The following EXT1 variants were observed in gnomAD, a reference collection of about 807,000 sequenced individuals.
The protein encoded by EXT1 is exostosin-1.
EXT1 carries 20 observed loss-of-function variants against 82.5 expected under a neutral mutation model. The ratio of observed to expected loss-of-function variants is 0.24; its 90% CI spans 0.17 to 0.35. The LOEUF (loss-of-function observed/expected upper bound fraction) is 0.35. EXT1 is among the 10% of genes least tolerant of loss of function. EXT1 has a pLI of 1.00. For missense variants in EXT1, 757 were observed against 936.5 expected, an observed-to-expected ratio of 0.81 and a Z score of 2.50; for synonymous variants, 348 against 350.8, an observed-to-expected ratio of 0.99 and a Z score of 0.09.
chr8:117,976,274 G>A (rs1345683782), intron 1 of EXT1, among the ~76,000 whole-genome samples: 1 of 152,164 alleles, frequency 6.6e-6, no homozygotes, highest in Non-Finnish European at 1.5e-5. Context: ...AGGCTATATA[G>A]CCAACAGAAA....
At chr8:118,070,225 TC>T (rs1420494998) in intron 1 of EXT1, among the ~76,000 whole-genome samples, 2 of 128,148 alleles carry the variant, frequency 1.6e-5, no homozygotes, top group Non-Finnish European at 3.2e-5. Context: ...ATCATAAATT[TC>T]TGTGTGTGTG....
intron 1 of EXT1, among the ~76,000 whole-genome samples, chr8:117,851,378 CAA>C (rs138600020): frequency 2.8e-4 from 40 of 141,062 alleles, no homozygotes; most frequent in South Asian, 2.3e-3. Context: ...TTTAAAAAGA[CAA>C]AAAAAAAAAA....
chr8:118,049,563 C>T (rs539161651), intron 1 of EXT1, among the ~76,000 whole-genome samples: 2 of 152,044 alleles, frequency 1.3e-5, no homozygotes, highest in African/African-American at 4.8e-5. Context: ...ATCCCTGGCA[C>T]GGTCTATTTG....
At position 118,111,086 on chromosome 8, in the gene EXT1, G is replaced by C. The variant is rs751658040; in HGVS notation, c.-40C>G. ...TCAAGAGGATTGTAAATAAACACAA[G>C]AATCACCCAAGTTTCCCAATCAACA... is the stretch of plus-strand genomic sequence containing the variant. On this transcript the variant is annotated 5_prime_UTR_variant, in exon 1 of 11. Coordinates refer to ENST00000378204, the MANE Select transcript of EXT1 (RefSeq NM_000127.3). The C allele has an allele frequency of 1.5e-5, 24 of 1,551,058 alleles. No homozygotes were observed. The highest frequency in any genetic ancestry group is 3.8e-5 in the Admixed American group (2 of 52,572).
At chr8:117,893,365 T>G (rs1813281351) in intron 1 of EXT1, among the ~76,000 whole-genome samples, 1 of 152,164 alleles carries the variant, frequency 6.6e-6, no homozygotes, top group Admixed American at 6.5e-5. Flanking sequence ...AGCAAAGGTC[T>G]CCAAGAACAA....
chr8:117,841,207 C>T (rs1293448558), intron 1 of EXT1, among the ~76,000 whole-genome samples: 1 of 152,182 alleles, frequency 6.6e-6, no homozygotes, highest in Non-Finnish European at 1.5e-5. Flanking sequence ...AATTGTGGTA[C>T]ATCCATAGCC....
rs138798280 is a variant in EXT1, at chr8:117,865,237, G to C, written c.963-28036C>G. On this transcript the variant is annotated intron_variant, in intron 1 of 10. Coordinates refer to ENST00000378204, the MANE Select transcript of EXT1 (RefSeq NM_000127.3). ...GGCTGGTGTACAGTGGTGCAATTAT[G>C]GCTCACTGCAGCCTTGACCTCCCGG... 5.4e-4 allele frequency among the ~76,000 whole-genome samples: 82 copies of C among 152,248 alleles called. 1 individual carries two copies. In the South Asian group the frequency reaches 8.1e-3, roughly 15 times the overall value.
chr8:117,921,537 C>T (rs879438870), intron 1 of EXT1, among the ~76,000 whole-genome samples: 26 of 152,172 alleles, frequency 1.7e-4, no homozygotes, highest in Admixed American at 4.6e-4. Flanking sequence ...GTTCAGACAA[C>T]TTCATGAGGT....
At chr8:117,961,398 T>TA (rs1459514541) in intron 1 of EXT1, among the ~76,000 whole-genome samples, 2 of 151,936 alleles carry the variant, frequency 1.3e-5, no homozygotes, top group South Asian at 2.1e-4. Context: ...GGCCTTAGGA[T>TA]AAAAAAAATA....
intron 1 of EXT1, among the ~76,000 whole-genome samples, chr8:117,848,287 G>A (rs1158618322): frequency 6.6e-6 from 1 of 152,160 alleles, no homozygotes; most frequent in Non-Finnish European, 1.5e-5. Context: ...TTGCATGAAG[G>A]TTGAGTCCTT....
At chr8:118,060,320 T>TC (rs1220643030) in intron 1 of EXT1, among the ~76,000 whole-genome samples, 1 of 152,194 alleles carries the variant, frequency 6.6e-6, no homozygotes, top group Non-Finnish European at 1.5e-5. Flanking sequence ...GATTTGGACC[T>TC]CCGACTTTTT....
chr8:117,823,075 G>A (rs1220861886), intron 4 of EXT1, among the ~76,000 whole-genome samples: 1 of 152,144 alleles, frequency 6.6e-6, no homozygotes, highest in Non-Finnish European at 1.5e-5. Context: ...GTTTTCAGCT[G>A]TTCCTTTAAT....
At chr8:117,900,292 G>A (rs1031449888) in intron 1 of EXT1, among the ~76,000 whole-genome samples, 2 of 152,146 alleles carry the variant, frequency 1.3e-5, no homozygotes, top group African/African-American at 4.8e-5. Context: ...TCTCCCCAAA[G>A]GCATGGGATT....
At chr8:117,834,325 C>T (rs997295655) in intron 3 of EXT1, among the ~76,000 whole-genome samples, 2 of 152,122 alleles carry the variant, frequency 1.3e-5, no homozygotes, top group East Asian at 3.9e-4. Flanking sequence ...ACTTAAGAGG[C>T]CAGGCGCGGT....
chr8:117,962,758 AC>A (rs917659195), intron 1 of EXT1, among the ~76,000 whole-genome samples: 4 of 98,598 alleles, frequency 4.1e-5, no homozygotes, highest in African/African-American at 1.2e-4. Flanking sequence ...ATCCCCCCAC[AC>A]CCCCCACCCC....
At chr8:118,087,246 T>C (rs1817437931) in intron 1 of EXT1, among the ~76,000 whole-genome samples, 1 of 152,204 alleles carries the variant, frequency 6.6e-6, no homozygotes, top group Admixed American at 6.5e-5. Flanking sequence ...GAGATAAGAA[T>C]ATTCCTCTAT....
intron 1 of EXT1, among the ~76,000 whole-genome samples, chr8:117,927,075 C>T (rs1813966221): frequency 6.6e-6 from 1 of 152,080 alleles, no homozygotes; most frequent in Admixed American, 6.5e-5. Context: ...ATAACTGTCC[C>T]CTACATAAGA....
At chr8:118,088,410 C>T (rs3019107) in intron 1 of EXT1, among the ~76,000 whole-genome samples, 1 of 151,594 alleles carries the variant, frequency 6.6e-6, no homozygotes, top group South Asian at 2.1e-4. Flanking sequence ...AACGAGATTT[C>T]TGGCACGGTT....
Position 117,799,602 on chromosome 8 carries a change from T to A in EXT1, c.*110A>T. 7.7e-7 allele frequency: 1 copy of A among 1,295,972 alleles called. No homozygotes were observed. 80.3% of individuals were successfully genotyped at this position (1,295,972 alleles called of 1,614,324 possible). A position where few individuals can be genotyped will look rare whatever the true frequency, so the allele number is the denominator to read the frequency against. On this transcript the variant is annotated 3_prime_UTR_variant, in exon 11 of 11. Transcript: ENST00000378204. ...TTGTCATTCTGCTCATCTAAGTTTT[T>A]GGATAGTTGGCACAATCTGGCTCTG...
Sources: gnomAD v4.1 joint callset for allele counts (sites outside exome capture counted in the v4.1 genomes callset) on GRCh38, gnomAD v4.1.1 for gene constraint, MANE v1.5 for transcripts, NCBI Gene and HGNC (gene_info 2026-07-23, HGNC 2026-07-21) for gene names.